Variants in NUAK2 observed in about 807,000 individuals in gnomAD.
NUAK2 encodes NUAK family SNF1-like kinase 2.
A neutral mutation model predicts 29.8 loss-of-function variants in NUAK2; 20 were observed. The ratio of observed to expected loss-of-function variants is 0.67; its 90% CI spans 0.47 to 0.98. The LOEUF (loss-of-function observed/expected upper bound fraction) is 0.98. Ranked by LOEUF, NUAK2 falls within the 50% of genes least tolerant of loss-of-function variation. NUAK2 has a pLI of 0.00. For synonymous variants in NUAK2, 331 were observed against 342.6 expected (o/e 0.97, Z 0.37); for missense variants, 719 against 834.5 (o/e 0.86, Z 1.71).
At chr1:205,311,664 C>T (rs539539981) in intron 2 of NUAK2, 41 bp downstream of exon 2, 11 of 1,612,768 alleles carry the variant, frequency 6.8e-6, no homozygotes, top group Non-Finnish European at 8.5e-6. Context: ...CACATGCACA[C>T]ACATAGACCC....
intron 1 of NUAK2, among the ~76,000 whole-genome samples, chr1:205,313,588 G>A (rs1358847217): frequency 2.0e-5 from 3 of 152,084 alleles, no homozygotes; most frequent in African/African-American, 4.8e-5. Context: ...CCTGAGGCGC[G>A]GAGCTGGGGA....
rs1268862709 is a variant in NUAK2 at position 205,321,456 on chromosome 1, G to A, written c.173C>T (p.Thr58Ile). 6.2e-7 allele frequency: 1 copy of A among 1,613,924 alleles called. No individual in the cohort carries two copies. Among genetic ancestry groups the A allele is most frequent in the African/African-American group, 1.3e-5 (1 of 74,930 alleles). ...CTTCCCGTAGGTGCCTTTGCCCAGGGTCTCCAGGAACTCGTAGCGGTGCCG... is the reference window on the plus strand; with the variant it reads ...CTTCCCGTAGGTGCCTTTGCCCAGGATCTCCAGGAACTCGTAGCGGTGCCG... ...NLRHRYEFLE[T>I]LGKGTYGKVK... Residue 58 changes from threonine to isoleucine, a missense_variant, in exon 1 of 7, where the codon ACC becomes ATC. Around this residue, in one of 3 missense-constraint regions of NUAK2, gnomAD observed 283 missense variants for 345.6 expected, o/e 0.82. Transcript: ENST00000367157.
chr1:205,307,767 G>A (rs1662202642), intron 4 of NUAK2, among the ~76,000 whole-genome samples: 1 of 152,244 alleles, frequency 6.6e-6, no homozygotes, highest in African/African-American at 2.4e-5. Context: ...GCATGCATGT[G>A]TGTGTGTATG....
At chr1:205,313,038 A>T (rs1240648310) in intron 1 of NUAK2, among the ~76,000 whole-genome samples, 1 of 152,156 alleles carries the variant, frequency 6.6e-6, no homozygotes, top group Admixed American at 6.5e-5. Flanking sequence ...AGAAAGTATT[A>T]ACAGAACGGT....
chr1:205,305,388 A>G, intron 5 of NUAK2, 57 bp from the exon 6 acceptor site: 4 of 1,581,506 alleles, frequency 2.5e-6, no homozygotes, highest in Non-Finnish European at 3.4e-6. Flanking sequence ...AAAATGTTAC[A>G]TGCTGGAGAA....
At position 205,303,934 on chromosome 1, in the gene NUAK2, G is replaced by T. The variant is rs759960920; in HGVS notation, c.1403C>A (p.Ser468Tyr). 6.2e-7 allele frequency: 1 copy of T among 1,614,046 alleles called. No individual in the cohort carries two copies. The change falls in exon 7 of 7, where the codon TCT becomes TAT. Residue 468 changes from serine to tyrosine, a missense_variant. Around this residue, in one of 3 missense-constraint regions of NUAK2, gnomAD observed 430 missense variants for 465.7 expected, o/e 0.92. Transcript: ENST00000367157. ...GYYSSPEPSE[S>Y]GELLDAGDVF... ...GTCGCCTGCGTCCAAGAGCTCCCCA[G>T]ATTCACTGGGCTCGGGAGAGGAGTA...
intron 1 of NUAK2, among the ~76,000 whole-genome samples, chr1:205,315,386 C>T (rs1386320377): frequency 6.6e-6 from 1 of 152,208 alleles, no homozygotes; most frequent in Admixed American, 6.5e-5. Flanking sequence ...TACTGGTGAA[C>T]ATAAATCGCA....
intron 1 of NUAK2, 71 bp downstream of exon 1, chr1:205,321,327 C>T: frequency 7.4e-7 from 1 of 1,344,964 alleles, no homozygotes; most frequent in Non-Finnish European, 9.9e-7. Flanking sequence ...AGCCGCCGCC[C>T]GCCCTCCTCC....
intron 1 of NUAK2, among the ~76,000 whole-genome samples, chr1:205,312,164 T>C (rs1662266705): frequency 6.6e-6 from 1 of 152,214 alleles, no homozygotes. Flanking sequence ...ATCTGCACCA[T>C]GAGGACAAGG....
chr1:205,314,429 A>AAAAAAC (rs1662298874), intron 1 of NUAK2, among the ~76,000 whole-genome samples: 1 of 152,250 alleles, frequency 6.6e-6, no homozygotes, highest in South Asian at 2.1e-4. Flanking sequence ...TGAGCTAAGC[A>AAAAAAC]AAAAACAAAA....
At position 205,304,328 on chromosome 1, in the gene NUAK2, G is replaced by A. The variant is rs200343978; in HGVS notation, c.1009C>T (p.Arg337Trp). The change falls in exon 7 of 7, where the codon CGG becomes TGG. Residue 337 changes from arginine (R) to tryptophan (W), a missense_variant. Arg to Trp is a moderately radical substitution (Grantham distance 101). Around this residue, in one of 3 missense-constraint regions of NUAK2, gnomAD observed 430 missense variants for 465.7 expected, o/e 0.92. Transcript: ENST00000367157. This position sits in a 1 kb window ranked among gnomAD's most constrained non-coding sequence, Gnocchi z 6.5. ...TCCAGGAGGGGGCGGGAGGAACGCC[G>A]GAGCCAGTCAGCCATGGAGGCGCGG... ...SARASMADWL[R>W]RSSRPLLENG... 6.5e-5 allele frequency: 104 copies of A among 1,609,782 alleles called. No individual in the cohort carries two copies. Among genetic ancestry groups the A allele is most frequent in the Middle Eastern group, 3.3e-4 (2 of 6,064 alleles).
Position 205,303,336 on chromosome 1 carries a change from C to T in NUAK2, c.*114G>A, listed in dbSNP as rs1023524029. ...CTCAGGGCTCCACTGCAAACCCTCT[C>T]AGCCTTCTGAGCTGGGATGCAGGTC... On this transcript the variant is annotated 3_prime_UTR_variant, in exon 7 of 7. Transcript: ENST00000367157. 9.6e-6 allele frequency: 9 copies of T among 938,876 alleles called. No individual in the cohort carries two copies. The highest frequency in any genetic ancestry group is 1.8e-5 in the South Asian group (1 of 55,812). The allele number at this position is 938,876 out of a possible 1,614,324, so 58.2% of individuals were successfully genotyped here. A position where few individuals can be genotyped will look rare whatever the true frequency, so the allele number is the denominator to read the frequency against.
chr1:205,318,469 C>A (rs1662359562), intron 1 of NUAK2, among the ~76,000 whole-genome samples: 1 of 152,240 alleles, frequency 6.6e-6, no homozygotes, highest in South Asian at 2.1e-4. Context: ...CCTCTTCGGG[C>A]CTCAGCTACT....
intron 5 of NUAK2, chr1:205,305,583 T>A (rs573225470): frequency 1.1e-4 from 97 of 874,258 alleles, no homozygotes; most frequent in Non-Finnish European, 1.3e-4. Context: ...AGATATCATC[T>A]CTACATCACT....
chr1:205,320,864 T>G (rs550787989), intron 1 of NUAK2, among the ~76,000 whole-genome samples: 2 of 151,546 alleles, frequency 1.3e-5, no homozygotes, highest in Admixed American at 6.6e-5. Context: ...TCAACTAAAT[T>G]TTAGAGCTGG....
In NUAK2 at chr1:205,305,346, G is replaced by T. The variant is rs1158763304; in HGVS notation, c.691-15C>A. 1 of 1,612,002 alleles carries T rather than the reference G, an allele frequency of 6.2e-7. No individual in the cohort carries two copies. Among genetic ancestry groups the T allele is most frequent in the Admixed American group, 1.7e-5 (1 of 59,842 alleles). On this transcript the variant is annotated splice_polypyrimidine_tract_variant and intron_variant, in intron 5 of 6. Transcript: ENST00000367157. ...CAGCTGTCCACCTGAGAGAGATGGG[G>T]GAGGTCAGCAGGGATGCCCATACCA... is the stretch of plus-strand genomic sequence containing the variant.
chr1:205,309,156 C>A (rs1183071914), intron 2 of NUAK2, among the ~76,000 whole-genome samples: 1 of 151,968 alleles, frequency 6.6e-6, no homozygotes, highest in Non-Finnish European at 1.5e-5. Flanking sequence ...TGATCTTGGA[C>A]AAGTCATTAA....
At chr1:205,305,870 C>T (rs1662172643) in intron 5 of NUAK2, among the ~76,000 whole-genome samples, 1 of 152,100 alleles carries the variant, frequency 6.6e-6, no homozygotes, top group South Asian at 2.1e-4. Flanking sequence ...TGCCACAAAG[C>T]CCCATTAATT....
At chr1:205,315,496 T>TTCA (rs1662314148) in intron 1 of NUAK2, among the ~76,000 whole-genome samples, 4 of 152,198 alleles carry the variant, frequency 2.6e-5, no homozygotes, top group Non-Finnish European at 5.9e-5. Context: ...ATGGGTGAAG[T>TTCA]CCACCTCGGT....
Sources: allele counts gnomAD v4.1 joint callset (sites outside exome capture counted in the v4.1 genomes callset), GRCh38; gene constraint gnomAD v4.1.1; regional missense constraint gnomAD v4.1.1; non-coding constraint Gnocchi (gnomAD v3.1); transcripts MANE v1.5; gene names NCBI Gene and HGNC (gene_info 2026-07-23, HGNC 2026-07-21).